Variants in LARP4 observed in about 807,000 individuals in gnomAD.
LARP4 encodes the protein la-related protein 4.
LARP4 carries 29 observed loss-of-function variants against 92.9 expected under a neutral mutation model. That is an observed-to-expected ratio of 0.31 (90% CI 0.23 to 0.43). The LOEUF (loss-of-function observed/expected upper bound fraction) is 0.43, where lower values mean the gene tolerates loss of function less well. Among genes scored for constraint, LARP4 ranks in the 20% least tolerant of loss-of-function variants. LARP4 has a pLI of 1.00. For synonymous variants in LARP4, 279 were observed against 284.1 expected, an observed-to-expected ratio of 0.98 and a Z score of 0.18; for missense variants, 732 against 860.0, an observed-to-expected ratio of 0.85 and a Z score of 1.86.
Position 50,401,041 on chromosome 12 carries a change from T to G in LARP4, c.18+13T>G, listed in dbSNP as rs777240555. 11 of 1,614,036 alleles carry G rather than the reference T, an allele frequency of 6.8e-6. No individual in the cohort carries two copies. Among genetic ancestry groups the G allele is most frequent in the Non-Finnish European group, 6.8e-6 (8 of 1,179,956 alleles). ...GCTTTTCGTGGAGGTGAGTGCATTA[T>G]GCTAGTCTCGTCCTGCTCTTAGGAG... On this transcript the variant is annotated intron_variant, in intron 1 of 15. Transcript: ENST00000398473.
rs929866547 is a variant in LARP4 at position 50,418,395 on chromosome 12, A to G, written c.19-9367A>G. On this transcript the variant is annotated intron_variant, in intron 1 of 15. Transcript: ENST00000398473. Reference sequence around the variant, plus strand: ...TTTCTGTTATACCATAATTGTCTCAATTTTTGGAATTACTCTTTAATTTAG... The same window carrying G: ...TTTCTGTTATACCATAATTGTCTCAGTTTTTGGAATTACTCTTTAATTTAG... Among the ~76,000 whole-genome samples, 3 of 152,172 alleles carry G rather than the reference A, an allele frequency of 2.0e-5. No homozygotes were observed. The East Asian group carries it at 5.8e-4, about 29-fold the overall frequency.
At chr12:50,441,536 C>T in intron 7 of LARP4, 54 bp from the exon 8 acceptor site, 2 of 1,283,862 alleles carry the variant, frequency 1.6e-6, no homozygotes, top group Non-Finnish European at 2.2e-6. Flanking sequence ...ATAAAGATAA[C>T]TTTACTGAAA....
chr12:50,440,304 A>C, intron 6 of LARP4, 135 bp from the exon 7 acceptor site: 1 of 645,098 alleles, frequency 1.6e-6, no homozygotes, highest in Non-Finnish European at 2.8e-6. Flanking sequence ...TCAGTGGAAA[A>C]ATGGGCAAAA....
At chr12:50,418,906 G>A (rs1947286395) in intron 1 of LARP4, among the ~76,000 whole-genome samples, 1 of 151,690 alleles carries the variant, frequency 6.6e-6, no homozygotes, top group Non-Finnish European at 1.5e-5. Context: ...TTTTTGTAGA[G>A]GGGGGTGGTC....
In LARP4 at chr12:50,462,615, A is replaced by T. The variant is rs773880201; in HGVS notation, c.1368A>T (p.Glu456Asp). Residue 456 changes from glutamate (E) to aspartate (D), a missense_variant, in exon 12 of 16, where the codon GAA becomes GAT. This residue lies in a region of LARP4 where 264 missense variants were observed against 269.5 expected (regional missense o/e 0.98). Transcript: ENST00000398473. ...TCTTCAGAGGTCGAAGACGACGAGA[A>T]GATGACAGGATCTCAGTAAGTTTTT... Reference protein sequence around the residue: ...RTLFRGRRRREDDRISRPHPS... With the variant: ...RTLFRGRRRRDDDRISRPHPS... 8 of 1,597,338 alleles carry T rather than the reference A, an allele frequency of 5.0e-6. No individual in the cohort carries two copies. The highest frequency in any genetic ancestry group is 6.8e-6 in the Non-Finnish European group (8 of 1,171,534).
At chr12:50,417,066 C>G (rs1213059711) in intron 1 of LARP4, among the ~76,000 whole-genome samples, 1 of 152,134 alleles carries the variant, frequency 6.6e-6, no homozygotes, top group Non-Finnish European at 1.5e-5. Flanking sequence ...ACAGCAAGCA[C>G]TTTTTGCATG....
intron 13 of LARP4, among the ~76,000 whole-genome samples, chr12:50,467,655 A>G (rs1212842835): frequency 6.6e-6 from 1 of 152,156 alleles, no homozygotes; most frequent in East Asian, 1.9e-4. Flanking sequence ...TAACTGACTA[A>G]TGCAAGCTAA....
At chr12:50,463,418 TCCAAAAAAA>T (rs1248583640) in intron 12 of LARP4, among the ~76,000 whole-genome samples, 15 of 32,218 alleles carry the variant, frequency 4.7e-4, no homozygotes, top group South Asian at 1.4e-3. Context: ...ACCCCATCTC[TCCAAAAAAA>T]AAAAAAAAAA....
intron 1 of LARP4, among the ~76,000 whole-genome samples, chr12:50,422,781 A>AT (rs1948024251): frequency 7.2e-6 from 1 of 138,610 alleles, no homozygotes; most frequent in Non-Finnish European, 1.6e-5. Flanking sequence ...TTGGGAAATT[A>AT]TATTATTATT....
At chr12:50,418,153 G>A (rs1414770404) in intron 1 of LARP4, among the ~76,000 whole-genome samples, 5 of 152,044 alleles carry the variant, frequency 3.3e-5, no homozygotes, top group East Asian at 1.9e-4. Context: ...GAGCCACTGC[G>A]CCTGGCCCAA....
Position 50,465,822 on chromosome 12 carries a change from C to T in LARP4, c.1384-1137C>T, listed in dbSNP as rs944245491. 1.3e-5 allele frequency among the ~76,000 whole-genome samples: 2 copies of T among 151,898 alleles called. 1 individual carries two copies. The highest frequency in any genetic ancestry group is 3.9e-4 in the East Asian group (2 of 5,186). Reference sequence around the variant, plus strand: ...TTTTTGTAAATTTACAGAGATATACCGCCATCACCACCAAAAAGCAAAACA... The same window carrying T: ...TTTTTGTAAATTTACAGAGATATACTGCCATCACCACCAAAAAGCAAAACA... On this transcript the variant is annotated intron_variant, in intron 12 of 15. Coordinates refer to ENST00000398473, the MANE Select transcript of LARP4 (RefSeq NM_052879.5).
intron 4 of LARP4, among the ~76,000 whole-genome samples, chr12:50,433,109 C>A (rs1949922167): frequency 1.3e-5 from 2 of 151,994 alleles, no homozygotes; most frequent in East Asian, 1.9e-4. Context: ...TTACCACATA[C>A]TTATACACAA....
intron 13 of LARP4, among the ~76,000 whole-genome samples, chr12:50,471,676 A>G (rs995122715): frequency 1.3e-5 from 2 of 152,192 alleles, no homozygotes; most frequent in African/African-American, 4.8e-5. Flanking sequence ...GCGCGCCACC[A>G]TGCCCGGCTA....
intron 1 of LARP4, among the ~76,000 whole-genome samples, chr12:50,423,355 A>G (rs2136884428): frequency 6.6e-6 from 1 of 152,300 alleles, no homozygotes; most frequent in Admixed American, 6.5e-5. Flanking sequence ...AGTTATTTTG[A>G]TAGAATGCGT....
chr12:50,473,810 G>A (rs1285823769), intron 14 of LARP4, among the ~76,000 whole-genome samples, 189 bp from the exon 15 acceptor site: 1 of 134,686 alleles, frequency 7.4e-6, no homozygotes, highest in Non-Finnish European at 1.6e-5. Flanking sequence ...GGTGGGTGGG[G>A]GGGTGGGGGG....
intron 8 of LARP4, among the ~76,000 whole-genome samples, chr12:50,443,648 AC>A (rs1951578975): frequency 6.6e-6 from 1 of 152,014 alleles, no homozygotes; most frequent in Non-Finnish European, 1.5e-5. Flanking sequence ...TTTCACTCTT[AC>A]CACCCAGGCT....
intron 7 of LARP4, 42 bp downstream of exon 7, chr12:50,440,591 C>A: frequency 7.8e-7 from 1 of 1,289,852 alleles, no homozygotes; most frequent in Non-Finnish European, 1.1e-6. Flanking sequence ...ATCCTAGTGG[C>A]AAAATAAGTA....
chr12:50,426,744 T>C (rs937389890), intron 1 of LARP4, among the ~76,000 whole-genome samples: 1 of 143,026 alleles, frequency 7.0e-6, no homozygotes, highest in Non-Finnish European at 1.5e-5. Flanking sequence ...TTTTTTTTTT[T>C]TTTTTTTCTT....
intron 5 of LARP4, 88 bp downstream of exon 5, chr12:50,435,712 C>A: frequency 1.1e-6 from 1 of 911,188 alleles, no homozygotes; most frequent in Non-Finnish European, 1.7e-6. Context: ...ATTATTTTTA[C>A]TGCCCCCTCC....
Sources: allele counts gnomAD v4.1 joint callset (sites outside exome capture counted in the v4.1 genomes callset), GRCh38; gene constraint gnomAD v4.1.1; regional missense constraint gnomAD v4.1.1; transcripts MANE v1.5; gene names NCBI Gene and HGNC (gene_info 2026-07-23, HGNC 2026-07-21).